Variants in MROH9 observed in about 807,000 individuals in gnomAD.
MROH9 encodes the protein maestro heat-like repeat-containing protein family member 9.
In MROH9, 92 loss-of-function variants were observed where a neutral mutation model predicts 98.2. The ratio of observed to expected loss-of-function variants is 0.94; its 90% CI spans 0.79 to 1.11. The LOEUF is 1.11. Among genes scored for constraint, MROH9 ranks in the 50% most tolerant of loss-of-function variants. MROH9 has a pLI of 0.00. For synonymous variants in MROH9, 397 were observed against 368.9 expected (o/e 1.08, Z -0.87); for missense variants, 1,057 against 1,014.8 (o/e 1.04, Z -0.57).
intron 20 of MROH9, among the ~76,000 whole-genome samples, chr1:171,027,094 C>T (rs1007817738): frequency 5.3e-5 from 8 of 151,940 alleles, no homozygotes; most frequent in Non-Finnish European, 4.4e-5. Flanking sequence ...ATTCCTTCTT[C>T]CAAAAAAAAA....
At chr1:171,056,040 C>T (rs757812993) in intron 20 of MROH9, among the ~76,000 whole-genome samples, 20 of 152,298 alleles carry the variant, frequency 1.3e-4, no homozygotes, top group African/African-American at 2.6e-4. Flanking sequence ...CCCACACCAC[C>T]GGGGCCTAGG....
chr1:170,992,470 G>A (rs1456108625), intron 12 of MROH9, 141 bp downstream of exon 12: 5 of 864,086 alleles, frequency 5.8e-6, no homozygotes, highest in African/African-American at 1.7e-5. Flanking sequence ...TATTTATTGA[G>A]TGTCTATTAT....
chr1:171,051,145 G>A (rs1312704506), intron 20 of MROH9, among the ~76,000 whole-genome samples: 5 of 152,318 alleles, frequency 3.3e-5, no homozygotes, highest in Middle Eastern at 3.4e-3. Flanking sequence ...TGGTGGGAAT[G>A]TGAATTAGTT....
chr1:171,050,574 C>T (rs1006459632), intron 20 of MROH9, among the ~76,000 whole-genome samples: 4 of 151,532 alleles, frequency 2.6e-5, no homozygotes, highest in African/African-American at 9.7e-5. Context: ...CTGGAGGAGT[C>T]TTTAGGGTTT....
intron 15 of MROH9, among the ~76,000 whole-genome samples, chr1:171,000,639 G>A (rs983087297): frequency 1.3e-5 from 2 of 152,062 alleles, no homozygotes; most frequent in Non-Finnish European, 2.9e-5. Context: ...AATTCATTTA[G>A]CTAGTATTTT....
intron 15 of MROH9, among the ~76,000 whole-genome samples, chr1:171,013,914 C>G (rs192585008): frequency 0.011 from 1,604 of 142,270 alleles, 24 homozygotes; most frequent in African/African-American, 0.038. Flanking sequence ...CACACACACA[C>G]AGACAGACAA....
intron 3 of MROH9, among the ~76,000 whole-genome samples, chr1:170,956,112 G>T (rs758843291): frequency 6.6e-6 from 1 of 152,116 alleles, no homozygotes; most frequent in African/African-American, 2.4e-5. Context: ...CTTTGTCAAA[G>T]ATCAGTTGGC....
At chr1:170,962,276 T>C (rs773781217) in intron 6 of MROH9, among the ~76,000 whole-genome samples, 6 of 152,196 alleles carry the variant, frequency 3.9e-5, no homozygotes, top group Non-Finnish European at 8.8e-5. Flanking sequence ...GAGAGCAGTG[T>C]TAGCCTAAAC....
At chr1:171,020,977 G>A (rs1208117846) in intron 17 of MROH9, among the ~76,000 whole-genome samples, 2 of 152,100 alleles carry the variant, frequency 1.3e-5, no homozygotes, top group African/African-American at 4.8e-5. Flanking sequence ...TAGACAAGCA[G>A]AGAGCCAAAT....
At chr1:170,951,104 T>C (rs1054931171) in intron 3 of MROH9, among the ~76,000 whole-genome samples, 1 of 152,080 alleles carries the variant, frequency 6.6e-6, no homozygotes, top group South Asian at 2.1e-4. Context: ...ATGACCACAC[T>C]AAATTTTGAT....
intron 2 of MROH9, among the ~76,000 whole-genome samples, chr1:170,946,484 T>C (rs928175545): frequency 6.6e-6 from 1 of 151,802 alleles, no homozygotes; most frequent in Non-Finnish European, 1.5e-5. Flanking sequence ...AGTGGAAAAA[T>C]AGGTGAAATC....
chr1:170,960,241 A>AT (rs934552748), intron 5 of MROH9, among the ~76,000 whole-genome samples: 11 of 152,122 alleles, frequency 7.2e-5, no homozygotes, highest in Non-Finnish European at 1.3e-4. Context: ...GTAGGCTGCT[A>AT]TTTTTTTACA....
intron 7 of MROH9, among the ~76,000 whole-genome samples, chr1:170,966,996 C>T (rs758672213): frequency 6.6e-6 from 1 of 152,206 alleles, no homozygotes; most frequent in South Asian, 2.1e-4. Context: ...CTAGTGAGTT[C>T]CACTCAAGTA....
intron 19 of MROH9, 86 bp downstream of exon 19, chr1:171,024,851 TAA>T (rs1347497714): frequency 2.6e-6 from 2 of 769,242 alleles, no homozygotes; most frequent in African/African-American, 3.5e-5. Flanking sequence ...GTAATGGGGA[TAA>T]GAGTGGATCT....
At chr1:170,996,341 G>T (rs533447601) in intron 13 of MROH9, among the ~76,000 whole-genome samples, 166 bp from the exon 14 acceptor site, 20 of 152,238 alleles carry the variant, frequency 1.3e-4, no homozygotes, top group African/African-American at 4.6e-4. Flanking sequence ...CCCATGTACT[G>T]TTAATCAGGG....
intron 20 of MROH9, among the ~76,000 whole-genome samples, chr1:171,052,679 C>T (rs577999572): frequency 9.9e-5 from 15 of 152,254 alleles, no homozygotes; most frequent in African/African-American, 3.6e-4. Context: ...CACGGAATGG[C>T]AGGGGCAGCT....
chr1:171,017,914 G>A (rs1157924498), intron 17 of MROH9, among the ~76,000 whole-genome samples: 3 of 152,124 alleles, frequency 2.0e-5, no homozygotes, highest in Non-Finnish European at 4.4e-5. Context: ...TGAACCCCTC[G>A]TGGGAGGGGT....
At chr1:170,953,757 G>GA (rs761437693) in intron 3 of MROH9, among the ~76,000 whole-genome samples, 2 of 139,310 alleles carry the variant, frequency 1.4e-5, no homozygotes, top group Non-Finnish European at 3.1e-5. Context: ...GAAAAGAAAA[G>GA]AAAGAGAAAG....
At chr1:170,972,554 T>G (rs1177322936) in intron 8 of MROH9, among the ~76,000 whole-genome samples, 1 of 152,140 alleles carries the variant, frequency 6.6e-6, no homozygotes, top group Non-Finnish European at 1.5e-5. Context: ...CTCACGCCTA[T>G]AATCCCAGCA....
Sources: gnomAD v4.1 joint callset for allele counts (sites outside exome capture counted in the v4.1 genomes callset) on GRCh38, gnomAD v4.1.1 for gene constraint, MANE v1.5 for transcripts, NCBI Gene and HGNC (gene_info 2026-07-23, HGNC 2026-07-21) for gene names.